The following SLC38A4 variants were observed in gnomAD, a reference collection of about 807,000 sequenced individuals.
SLC38A4 encodes sodium-coupled neutral amino acid transporter 4.
In SLC38A4, 20 loss-of-function variants were observed where a neutral mutation model predicts 63.1. That is an observed-to-expected ratio of 0.32 (90% CI 0.22 to 0.46). SLC38A4 has a LOEUF of 0.46. SLC38A4 is among the 20% of genes least tolerant of loss of function. The probability of loss-of-function intolerance (pLI) is 1.00; values close to 1 mark genes in which losing one functional copy is unlikely to be tolerated. For synonymous variants in SLC38A4, 230 were observed against 225.5 expected, an observed-to-expected ratio of 1.02 and a Z score of -0.18; for missense variants, 526 against 663.6, an observed-to-expected ratio of 0.79 and a Z score of 2.28.
At chr12:46,806,047 C>A (rs1278626670) in intron 1 of SLC38A4, among the ~76,000 whole-genome samples, 1 of 151,570 alleles carries the variant, frequency 6.6e-6, no homozygotes, top group Admixed American at 6.6e-5. Context: ...TTTCAGAGAG[C>A]CCACAGACCT....
chr12:46,782,425 A>G (rs1938662903), intron 7 of SLC38A4, among the ~76,000 whole-genome samples: 1 of 152,072 alleles, frequency 6.6e-6, no homozygotes, highest in Admixed American at 6.6e-5. Context: ...GCATATTGTT[A>G]AATTTAAAAA....
rs569553895 is a variant in SLC38A4 at position 46,785,892 on chromosome 12, C to T, written c.327-715G>A. Among the ~76,000 whole-genome samples, 15 of 151,502 alleles carry T rather than the reference C, an allele frequency of 9.9e-5. No individual in the cohort carries two copies. The South Asian group carries it at 1.5e-3, about 15-fold the overall frequency. On this transcript the variant is annotated intron_variant, in intron 5 of 16. Transcript: ENST00000266579. ...ATAAGAATGTTGATAGAAGCATCTA[C>T]GTAATAAATGGAGGAGCAATGCTGC... is the stretch of plus-strand genomic sequence containing the variant.
At chr12:46,799,307 A>G (rs998996494) in intron 2 of SLC38A4, among the ~76,000 whole-genome samples, 1 of 152,140 alleles carries the variant, frequency 6.6e-6, no homozygotes, top group Admixed American at 6.6e-5. Context: ...TAACATATAT[A>G]AAATATTTAT....
At chr12:46,788,838 G>A (rs1938820383) in intron 3 of SLC38A4, among the ~76,000 whole-genome samples, 1 of 152,038 alleles carries the variant, frequency 6.6e-6, no homozygotes, top group South Asian at 2.1e-4. Context: ...TATAAAGGAA[G>A]GAAATATTAT....
chr12:46,777,008 GA>G lies in SLC38A4; in HGVS notation c.1074-5del. 3 of 1,602,534 alleles carry G rather than the reference GA, an allele frequency of 1.9e-6. No homozygotes were observed. Among genetic ancestry groups the G allele is most frequent in the Non-Finnish European group, 2.6e-6 (3 of 1,173,840 alleles). On this transcript the variant is annotated splice_region_variant and splice_polypyrimidine_tract_variant and intron_variant, in intron 12 of 16. Coordinates refer to ENST00000266579, the MANE Select transcript of SLC38A4 (RefSeq NM_018018.5). ...TTGCATTTTTCTCCGGGACCGACTG[GA>G]AAAAGAAAGAACACCAAGCTTTGTT...
intron 14 of SLC38A4, among the ~76,000 whole-genome samples, chr12:46,771,031 T>A (rs1480926170): frequency 6.6e-6 from 1 of 152,130 alleles, no homozygotes; most frequent in Admixed American, 6.6e-5. Flanking sequence ...AAAGGCAATT[T>A]CATTTCTAGA....
At position 46,790,667 on chromosome 12, in the gene SLC38A4, A is replaced by ATT. The variant is rs372451724; in HGVS notation, c.120-2051_120-2050dup. 8.5e-4 allele frequency among the ~76,000 whole-genome samples: 130 copies of ATT among 152,088 alleles called. 2 individuals are homozygous for ATT. Among genetic ancestry groups the ATT allele is most frequent in the African/African-American group, 3.0e-3 (125 of 41,494 alleles). On this transcript the variant is annotated intron_variant, in intron 3 of 16. Coordinates refer to ENST00000266579, the MANE Select transcript of SLC38A4 (RefSeq NM_018018.5). ...AAATTGAGAATTTGAAAGTAAACAG[A>ATT]TTTTCTTTCTTTGAGGCATTTGCAT...
chr12:46,776,391 T>C (rs1468130489), intron 13 of SLC38A4, among the ~76,000 whole-genome samples: 2 of 152,020 alleles, frequency 1.3e-5, no homozygotes, highest in Non-Finnish European at 2.9e-5. Flanking sequence ...TCCTCTTTCT[T>C]AGGAAATCAT....
chr12:46,787,384 G>T (rs138583651), intron 5 of SLC38A4, among the ~76,000 whole-genome samples: 12 of 152,092 alleles, frequency 7.9e-5, no homozygotes, highest in African/African-American at 2.9e-4. Context: ...ATCAGGGCGC[G>T]CAGTATTCAG....
intron 14 of SLC38A4, among the ~76,000 whole-genome samples, chr12:46,771,227 A>G (rs1197159811): frequency 6.6e-6 from 1 of 152,098 alleles, no homozygotes; most frequent in African/African-American, 2.4e-5. Flanking sequence ...CTTATTCAAT[A>G]TTGTCAAAAC....
intron 2 of SLC38A4, among the ~76,000 whole-genome samples, chr12:46,802,059 A>G (rs771342666): frequency 1.8e-4 from 27 of 152,126 alleles, no homozygotes; most frequent in African/African-American, 5.8e-4. Context: ...TTCTGAAAAG[A>G]TTACATGCTT....
intron 2 of SLC38A4, among the ~76,000 whole-genome samples, chr12:46,797,335 C>T (rs1939032000): frequency 6.6e-6 from 1 of 152,148 alleles, no homozygotes; most frequent in Non-Finnish European, 1.5e-5. Context: ...ATCCTCCAAA[C>T]ACTCCAGGTT....
At chr12:46,794,505 G>C (rs890143655) in intron 2 of SLC38A4, among the ~76,000 whole-genome samples, 9 of 151,440 alleles carry the variant, frequency 5.9e-5, no homozygotes, top group African/African-American at 1.7e-4. Context: ...GAATATAAAA[G>C]GAGAACAGGC....
chr12:46,812,994 A>G (rs1939369932), intron 1 of SLC38A4, among the ~76,000 whole-genome samples: 1 of 151,994 alleles, frequency 6.6e-6, no homozygotes, highest in Non-Finnish European at 1.5e-5. Context: ...GTTTTTAATC[A>G]ATTAGTCAAT....
intron 1 of SLC38A4, among the ~76,000 whole-genome samples, chr12:46,822,652 G>A (rs1592199129): frequency 6.6e-6 from 1 of 152,138 alleles, no homozygotes; most frequent in Non-Finnish European, 1.5e-5. Context: ...GAGGCAAATA[G>A]AGTAGGTTTT....
intron 16 of SLC38A4, among the ~76,000 whole-genome samples, chr12:46,767,129 T>C (rs955268212): frequency 3.3e-5 from 5 of 152,078 alleles, no homozygotes; most frequent in Admixed American, 2.6e-4. Flanking sequence ...TACAATCTTT[T>C]AGGTGAAAAA....
At chr12:46,796,641 A>ACTC (rs1319150104) in intron 2 of SLC38A4, among the ~76,000 whole-genome samples, 1 of 152,036 alleles carries the variant, frequency 6.6e-6, no homozygotes, top group East Asian at 1.9e-4. Context: ...AGGAGCAGTT[A>ACTC]CTCCGGGGGT....
intron 3 of SLC38A4, among the ~76,000 whole-genome samples, chr12:46,792,456 T>C (rs996781228): frequency 3.3e-5 from 5 of 152,038 alleles, no homozygotes; most frequent in African/African-American, 1.2e-4. Context: ...ACTTTATAAA[T>C]GAGGCAATTT....
chr12:46,815,284 T>C (rs7971412), intron 1 of SLC38A4, among the ~76,000 whole-genome samples: 57,101 of 82,422 alleles, frequency 0.69, 19,097 homozygotes, highest in Non-Finnish European at 0.73. Flanking sequence ...TATATATATA[T>C]ACACACACAC....
Sources: gnomAD v4.1 joint callset for allele counts (sites outside exome capture counted in the v4.1 genomes callset) on GRCh38, gnomAD v4.1.1 for gene constraint, MANE v1.5 for transcripts, NCBI Gene and HGNC (gene_info 2026-07-23, HGNC 2026-07-21) for gene names.